RBMS3: variants seen among roughly 807,000 people sequenced by gnomAD.
RBMS3 encodes RNA binding motif single stranded interacting protein 3, also known as RNA-binding motif, single-stranded-interacting protein 3.
RBMS3 carries 27 observed loss-of-function variants against 66.8 expected under a neutral mutation model. That is an observed-to-expected ratio of 0.40 (90% CI 0.30 to 0.56). The LOEUF is 0.56. Ranked by LOEUF, RBMS3 falls within the 20% of genes least tolerant of loss-of-function variation. The probability of loss-of-function intolerance (pLI) is 0.40; values close to 1 mark genes in which losing one functional copy is unlikely to be tolerated. For synonymous variants in RBMS3, 188 were observed against 183.0 expected (o/e 1.03, Z -0.22); for missense variants, 513 against 549.5 (o/e 0.93, Z 0.66).
At chr3:29,857,337 T>C (rs954083778) in intron 6 of RBMS3, among the ~76,000 whole-genome samples, 1 of 152,144 alleles carries the variant, frequency 6.6e-6, no homozygotes, top group Admixed American at 6.5e-5. Flanking sequence ...AGGATCCTGA[T>C]GTTTTACATT....
intron 4 of RBMS3, among the ~76,000 whole-genome samples, chr3:29,679,798 G>A (rs2051413056): frequency 7.1e-6 from 1 of 141,676 alleles, no homozygotes; most frequent in Admixed American, 6.8e-5. Flanking sequence ...TATACATAGT[G>A]TTATAAATTA....
intron 5 of RBMS3, among the ~76,000 whole-genome samples, chr3:29,758,533 C>T (rs2055524477): frequency 6.6e-6 from 1 of 151,984 alleles, no homozygotes. Flanking sequence ...AGCAAGATAC[C>T]CTCAAAATTT....
At chr3:29,563,861 CA>C (rs1032319150) in intron 3 of RBMS3, among the ~76,000 whole-genome samples, 3 of 151,686 alleles carry the variant, frequency 2.0e-5, no homozygotes, top group African/African-American at 7.3e-5. Context: ...TCTGTCTCTA[CA>C]AAAAATTAGC....
intron 1 of RBMS3, among the ~76,000 whole-genome samples, chr3:29,428,288 T>C (rs2041040921): frequency 6.6e-6 from 1 of 152,160 alleles, no homozygotes; most frequent in South Asian, 2.1e-4. Flanking sequence ...GAGAGGGCAG[T>C]GCAACTAGCA....
intron 6 of RBMS3, among the ~76,000 whole-genome samples, chr3:29,764,097 G>C (rs1399197461): frequency 7.0e-6 from 1 of 142,020 alleles, no homozygotes; most frequent in South Asian, 2.3e-4. Flanking sequence ...TTTTGTGGAG[G>C]GTTTTGTAAT....
At chr3:29,746,896 C>T (rs918953876) in intron 5 of RBMS3, among the ~76,000 whole-genome samples, 30 of 152,168 alleles carry the variant, frequency 2.0e-4, no homozygotes, top group African/African-American at 7.2e-4. Context: ...ATAATGCCCT[C>T]TGTGAAATGC....
At chr3:29,772,082 G>A (rs1291663137) in intron 6 of RBMS3, among the ~76,000 whole-genome samples, 1 of 152,034 alleles carries the variant, frequency 6.6e-6, no homozygotes, top group African/African-American at 2.4e-5. Flanking sequence ...GGAGGTCAGA[G>A]TGATGCAGTG....
chr3:29,307,856 A>G (rs2034111625), intron 1 of RBMS3, among the ~76,000 whole-genome samples: 1 of 151,904 alleles, frequency 6.6e-6, no homozygotes, highest in African/African-American at 2.4e-5. Flanking sequence ...TGATTTATAA[A>G]CAATTTGTTA....
At chr3:29,993,944 G>A (rs564670377) in intron 14 of RBMS3, among the ~76,000 whole-genome samples, 1 of 151,998 alleles carries the variant, frequency 6.6e-6, no homozygotes, top group East Asian at 1.9e-4. Context: ...TGGCCGAATA[G>A]GAACAGCTCC....
At chr3:29,301,446 A>G (rs111949135) in intron 1 of RBMS3, among the ~76,000 whole-genome samples, 3,124 of 152,102 alleles carry the variant, frequency 0.021, 121 homozygotes, top group African/African-American at 0.071. Context: ...GTTTAGCAGA[A>G]ATTTAACCCC....
At chr3:29,660,568 AT>A (rs1351420808) in intron 4 of RBMS3, among the ~76,000 whole-genome samples, 10 of 152,040 alleles carry the variant, frequency 6.6e-5, no homozygotes, top group African/African-American at 2.4e-4. Flanking sequence ...TGATTTCTAT[AT>A]GCTGTGTAGC....
At chr3:29,529,808 A>C (rs975592647) in intron 3 of RBMS3, among the ~76,000 whole-genome samples, 1 of 152,224 alleles carries the variant, frequency 6.6e-6, no homozygotes, top group African/African-American at 2.4e-5. Context: ...TGGTGAAATT[A>C]CGGGATTTTT....
chr3:29,872,565 C>T (rs1453880302), intron 7 of RBMS3, among the ~76,000 whole-genome samples: 1 of 152,124 alleles, frequency 6.6e-6, no homozygotes, highest in Non-Finnish European at 1.5e-5. Flanking sequence ...AAGCTGAAGC[C>T]AAGGGCAAGG....
At chr3:29,471,883 T>C (rs2042740912) in intron 2 of RBMS3, among the ~76,000 whole-genome samples, 2 of 152,052 alleles carry the variant, frequency 1.3e-5, no homozygotes, top group African/African-American at 4.8e-5. Context: ...GTCAGATGGT[T>C]CTAAATTTAA....
intron 4 of RBMS3, among the ~76,000 whole-genome samples, chr3:29,594,592 A>G (rs985250105): frequency 2.0e-5 from 3 of 152,208 alleles, no homozygotes; most frequent in Admixed American, 2.0e-4. Context: ...CTAAAAATAT[A>G]TAAGTATTAT....
intron 1 of RBMS3, among the ~76,000 whole-genome samples, chr3:29,423,081 T>G (rs1012698557): frequency 6.6e-6 from 1 of 152,200 alleles, no homozygotes; most frequent in Non-Finnish European, 1.5e-5. Context: ...TGGTCCTGTT[T>G]GGACAGAAAT....
intron 10 of RBMS3, among the ~76,000 whole-genome samples, chr3:29,916,373 C>T (rs1441506422): frequency 1.3e-5 from 2 of 151,908 alleles, no homozygotes; most frequent in Non-Finnish European, 2.9e-5. Flanking sequence ...CAGTGAATAT[C>T]CATTAAAGAG....
intron 4 of RBMS3, among the ~76,000 whole-genome samples, chr3:29,690,442 CAA>C (rs1179885713): frequency 6.6e-6 from 1 of 152,116 alleles, no homozygotes; most frequent in Non-Finnish European, 1.5e-5. Flanking sequence ...AAATGAAAAA[CAA>C]ATGATATATG....
chr3:29,665,552 C>T (rs904295075), intron 4 of RBMS3, among the ~76,000 whole-genome samples: 1 of 152,080 alleles, frequency 6.6e-6, no homozygotes, highest in African/African-American at 2.4e-5. Context: ...CGAACATAAA[C>T]ATTCTGATAA....
Sources: allele counts gnomAD v4.1 joint callset (sites outside exome capture counted in the v4.1 genomes callset), GRCh38; gene constraint gnomAD v4.1.1; transcripts MANE v1.5; gene names NCBI Gene and HGNC (gene_info 2026-07-23, HGNC 2026-07-21).